JPH2: variants seen among roughly 807,000 people sequenced by gnomAD.
JPH2 encodes the protein junctophilin-2.
JPH2 carries 38 observed loss-of-function variants against 55.9 expected under a neutral mutation model. The ratio of observed to expected loss-of-function variants is 0.68; its 90% CI spans 0.52 to 0.89. The LOEUF (loss-of-function observed/expected upper bound fraction) is 0.89. Ranked by LOEUF, JPH2 falls within the 40% of genes least tolerant of loss-of-function variation. The pLI is 0.00. For synonymous variants in JPH2, 480 were observed against 472.4 expected (o/e 1.02, Z -0.21); for missense variants, 964 against 1,037.6 (o/e 0.93, Z 0.97).
rs1380514288 is a variant in JPH2 at position 44,159,912 on chromosome 20, A to T, written c.875T>A (p.Met292Lys). The T allele has an allele frequency of 1.4e-5, 22 of 1,577,052 alleles. No homozygotes were observed. Among genetic ancestry groups the T allele is most frequent in the Non-Finnish European group, 1.7e-5 (20 of 1,163,838 alleles). ...GCGTTTGTCGTTCTTCCACTCGCCC[A>T]TGTAGGTCTCGGTGGTGGTGGCGTC... ...DIDATTTETY[M>K]GEWKNDKRSG... Residue 292 changes from methionine (M) to lysine (K), a missense_variant, in exon 2 of 6, where the codon ATG (methionine) becomes AAG (lysine). By Grantham distance (95) the Met-to-Lys change is moderately conservative (BLOSUM62 -1). Coordinates refer to ENST00000372980, the MANE Select transcript of JPH2 (RefSeq NM_020433.5). This position sits in a 1 kb window ranked among gnomAD's most constrained non-coding sequence, Gnocchi z 5.7.
chr20:44,164,671 AAAACAAACAAACAAACAAACAAACAAAC>A (rs34787127), intron 1 of JPH2, among the ~76,000 whole-genome samples: 5 of 149,454 alleles, frequency 3.3e-5, no homozygotes, highest in Admixed American at 2.0e-4. Context: ...AAAGCCTCAA[AAAACAAACAAACAAACAAACAAACAAAC>A]AAACAAACAA....
chr20:44,118,343 C>A (rs367662607), intron 3 of JPH2, among the ~76,000 whole-genome samples, 162 bp downstream of exon 3: 1 of 152,230 alleles, frequency 6.6e-6, no homozygotes, highest in African/African-American at 2.4e-5. Context: ...GTCTCCCCAC[C>A]TACCCCTGCA....
chr20:44,186,410 C>T lies in JPH2; in HGVS notation c.296G>A (p.Ser99Asn). ...CTCATACTTGGCACCGCTGCTTGAGCTCTGCCGGATTCCGTAGCGTCCCTT... is the reference window on the plus strand; with the variant it reads ...CTCATACTTGGCACCGCTGCTTGAGTTCTGCCGGATTCCGTAGCGTCCCTT... ...GFKGRYGIRQ[S>N]SSSGAKYEGT... Residue 99 changes from serine (S) to asparagine (N), a missense_variant, in exon 1 of 6, where the codon AGC becomes AAC. Ser to Asn is a conservative substitution (Grantham distance 46, BLOSUM62 1). Coordinates refer to ENST00000372980, the MANE Select transcript of JPH2 (RefSeq NM_020433.5). 2 of 1,613,922 alleles carry T rather than the reference C, an allele frequency of 1.2e-6. No homozygotes were observed. Among genetic ancestry groups the T allele is most frequent in the Non-Finnish European group, 1.7e-6 (2 of 1,179,970 alleles).
At chr20:44,162,765 T>TAAACTTCCATATATATATATAAACTTCC (rs1569212049) in intron 1 of JPH2, among the ~76,000 whole-genome samples, 8 of 76,212 alleles carry the variant, frequency 1.0e-4, no homozygotes, top group Admixed American at 1.5e-4. Context: ...TATATATATA[T>TAAACTTCCATATATATATATAAACTTCC]ATATATATAT....
chr20:44,157,352 C>T (rs1235750342), intron 2 of JPH2, among the ~76,000 whole-genome samples: 1 of 152,152 alleles, frequency 6.6e-6, no homozygotes, highest in Admixed American at 6.5e-5. Context: ...CTCATCCCAA[C>T]TTGCGATGAC....
At chr20:44,180,337 TTTA>T (rs910256014) in intron 1 of JPH2, among the ~76,000 whole-genome samples, 98 of 150,012 alleles carry the variant, frequency 6.5e-4, no homozygotes, top group African/African-American at 2.3e-3. Context: ...TTATATTTAT[TTTA>T]TTTTTTTTTG....
At chr20:44,164,933 G>T (rs995015568) in intron 1 of JPH2, among the ~76,000 whole-genome samples, 1 of 151,652 alleles carries the variant, frequency 6.6e-6, no homozygotes, top group African/African-American at 2.4e-5. Context: ...CGCCTCCTGG[G>T]TTCAAGCGAT....
chr20:44,120,794 C>T (rs1459935803), intron 2 of JPH2, among the ~76,000 whole-genome samples: 3 of 152,168 alleles, frequency 2.0e-5, no homozygotes, highest in Admixed American at 6.5e-5. Context: ...TTTACGAATT[C>T]GTGTTGGGCC....
At position 44,159,900 on chromosome 20, in the gene JPH2, T is replaced by G. The variant is rs1600857521; in HGVS notation, c.887A>C (p.Lys296Thr). 3 of 1,612,750 alleles carry G rather than the reference T, an allele frequency of 1.9e-6. No individual in the cohort carries two copies. Among genetic ancestry groups the G allele is most frequent in the Non-Finnish European group, 2.5e-6 (3 of 1,179,702 alleles). Residue 296 changes from lysine (K) to threonine (T), a missense_variant, in exon 2 of 6, where the codon AAG becomes ACG. Coordinates refer to ENST00000372980, the MANE Select transcript of JPH2 (RefSeq NM_020433.5). The surrounding 1 kb of genome is among the most constrained non-coding windows in gnomAD (Gnocchi z 5.7). ...TTTETYMGEW[K>T]NDKRSGFGVS... ...GCCGAAGCCCGAGCGTTTGTCGTTC[T>G]TCCACTCGCCCATGTAGGTCTCGGT... is the stretch of plus-strand genomic sequence containing the variant.
Position 44,116,475 on chromosome 20 carries a change from T to G in JPH2, c.1289-89A>C, listed in dbSNP as rs6073336. 744,936 of 1,467,582 alleles carry G rather than the reference T, an allele frequency of 0.51. 188,982 individuals are homozygous for G. Among genetic ancestry groups the G allele is most frequent in the East Asian group, 0.54 (21,818 of 40,054 alleles). The allele number at this position is 1,467,582 out of a possible 1,614,324, so 90.9% of individuals were successfully genotyped here. A position where few individuals can be genotyped will look rare whatever the true frequency, so the allele number is the denominator to read the frequency against. On this transcript the variant is annotated intron_variant, in intron 3 of 5. Coordinates refer to ENST00000372980, the MANE Select transcript of JPH2 (RefSeq NM_020433.5). Reference sequence around the variant, plus strand: ...AGCCACTTCACCTCTCGAGCCTCATTCATGGGCTCAGTCGGCACTCACATA... The same window carrying G: ...AGCCACTTCACCTCTCGAGCCTCATGCATGGGCTCAGTCGGCACTCACATA...
chr20:44,179,040 C>T (rs1174021434), intron 1 of JPH2, among the ~76,000 whole-genome samples: 5 of 152,060 alleles, frequency 3.3e-5, no homozygotes, highest in East Asian at 1.9e-4. Context: ...GGATCCAGAG[C>T]GCAGAAGCTT....
chr20:44,164,299 T>C (rs1231947176), intron 1 of JPH2, among the ~76,000 whole-genome samples: 1 of 152,222 alleles, frequency 6.6e-6, no homozygotes, highest in Non-Finnish European at 1.5e-5. Context: ...GAGGACAGAA[T>C]GGAATGTGGA....
chr20:44,142,016 G>C (rs184744221), intron 2 of JPH2, among the ~76,000 whole-genome samples: 1 of 152,336 alleles, frequency 6.6e-6, no homozygotes, highest in East Asian at 1.9e-4. Context: ...CGCAGTGACT[G>C]AATGACCACT....
At position 44,115,862 on chromosome 20, in the gene JPH2, G is replaced by C. The variant is rs1269508635; in HGVS notation, c.1813C>G (p.Gln605Glu). ...APSSPATAPL[Q>E]APTLRGPEPA... Reference sequence around the variant, plus strand: ...TCGGGGCCTCGGAGCGTGGGGGCCTGCAGCGGGGCGGTGGCCGGGGACGAG... The same window carrying C: ...TCGGGGCCTCGGAGCGTGGGGGCCTCCAGCGGGGCGGTGGCCGGGGACGAG... The change falls in exon 4 of 6, where the codon CAG (glutamine) becomes GAG (glutamate). Residue 605 changes from glutamine (Q) to glutamate (E), a missense_variant. By Grantham distance (29) the Gln-to-Glu change is conservative. Coordinates refer to ENST00000372980, the MANE Select transcript of JPH2 (RefSeq NM_020433.5). 1.3e-6 allele frequency: 2 copies of C among 1,587,568 alleles called. No individual in the cohort carries two copies. Among genetic ancestry groups the C allele is most frequent in the East Asian group, 2.2e-5 (1 of 44,486 alleles).
intron 2 of JPH2, among the ~76,000 whole-genome samples, chr20:44,119,205 T>C (rs2072216971): frequency 6.6e-6 from 1 of 152,168 alleles, no homozygotes; most frequent in South Asian, 2.1e-4. Context: ...AAACAAAATA[T>C]CAGGTCTGTT....
rs543075599 is a variant in JPH2, at chr20:44,106,747, G to C, written c.*6771C>G. On this transcript the variant is annotated 3_prime_UTR_variant, in exon 6 of 6. Transcript: ENST00000372980. ...AGTAACTCCTCTTTTTAAAATCATCGATCTCATGAGACTTATTCACTACCA... is the reference window on the plus strand; with the variant it reads ...AGTAACTCCTCTTTTTAAAATCATCCATCTCATGAGACTTATTCACTACCA... Among the ~76,000 whole-genome samples the C allele has an allele frequency of 6.6e-6, 1 of 151,862 alleles. No homozygotes were observed. The highest frequency in any genetic ancestry group is 2.4e-5 in the African/African-American group (1 of 41,314).
intron 2 of JPH2, among the ~76,000 whole-genome samples, chr20:44,139,084 A>G (rs910367580): frequency 1.3e-5 from 2 of 152,184 alleles, no homozygotes; most frequent in Non-Finnish European, 2.9e-5. Flanking sequence ...CCACAGTAAC[A>G]ATAGCTGCCC....
At chr20:44,124,809 GA>G (rs566957589) in intron 2 of JPH2, among the ~76,000 whole-genome samples, 42 of 142,912 alleles carry the variant, frequency 2.9e-4, no homozygotes, top group Middle Eastern at 7.4e-3. Context: ...TGAATGGTTA[GA>G]AAAAAAAAAA....
chr20:44,106,775 A>G lies in JPH2; in HGVS notation c.*6743T>C, dbSNP rs1262874034. 2.6e-5 allele frequency among the ~76,000 whole-genome samples: 4 copies of G among 152,120 alleles called. No homozygotes were observed. The highest frequency in any genetic ancestry group is 9.7e-5 in the African/African-American group (4 of 41,420). ...CTCATGAGACTTATTCACTACCACG[A>G]GAACGGCACGGGAAAGGCTTGCCCC... On this transcript the variant is annotated 3_prime_UTR_variant, in exon 6 of 6. Transcript: ENST00000372980.
Sources: gnomAD v4.1 joint callset for allele counts (sites outside exome capture counted in the v4.1 genomes callset) on GRCh38, gnomAD v4.1.1 for gene constraint, Gnocchi (gnomAD v3.1) non-coding constraint, MANE v1.5 for transcripts, NCBI Gene and HGNC (gene_info 2026-07-23, HGNC 2026-07-21) for gene names.